MED13L: variants seen among roughly 807,000 people sequenced by gnomAD.
The protein encoded by MED13L is mediator of RNA polymerase II transcription subunit 13-like.
A neutral mutation model predicts 220.9 loss-of-function variants in MED13L; 7 were observed. That is an observed-to-expected ratio of 0.03 (90% CI 0.02 to 0.06). The LOEUF (loss-of-function observed/expected upper bound fraction) is 0.06. MED13L is among the 10% of genes least tolerant of loss of function. The pLI is 1.00. For missense variants in MED13L, 1,965 were observed against 2,760.5 expected (o/e 0.71, Z 6.46); for synonymous variants, 1,011 against 1,015.2 (o/e 1.00, Z 0.08).
chr12:116,239,360 G>C (rs1328150261), intron 1 of MED13L, among the ~76,000 whole-genome samples: 1 of 152,072 alleles, frequency 6.6e-6, no homozygotes, highest in African/African-American at 2.4e-5. Flanking sequence ...AATATAAAAA[G>C]TTCAGAAGTA....
At chr12:116,029,929 T>C (rs1477038442) in intron 4 of MED13L, among the ~76,000 whole-genome samples, 1 of 152,138 alleles carries the variant, frequency 6.6e-6, no homozygotes, top group African/African-American at 2.4e-5. Context: ...GAAATGATGA[T>C]ATACAGTCTA....
At chr12:116,082,778 T>C (rs1871321740) in intron 4 of MED13L, 1 of 152,156 alleles carries the variant, frequency 6.6e-6, no homozygotes, top group African/African-American at 2.4e-5. Context: ...CAGGCCTCTT[T>C]ACAACTACAT....
At chr12:116,233,349 A>G (rs1316754271) in intron 2 of MED13L, among the ~76,000 whole-genome samples, 1 of 152,204 alleles carries the variant, frequency 6.6e-6, no homozygotes, top group Non-Finnish European at 1.5e-5. Context: ...TAAAATCACA[A>G]TATTATGGTT....
intron 4 of MED13L, among the ~76,000 whole-genome samples, chr12:116,050,959 C>A (rs553015177): frequency 4.6e-5 from 7 of 151,780 alleles, no homozygotes; most frequent in Non-Finnish European, 1.0e-4. Context: ...AAAAAAAAAA[C>A]CCAGAAATTT....
At chr12:116,229,365 G>C (rs927763641) in intron 2 of MED13L, among the ~76,000 whole-genome samples, 5 of 152,122 alleles carry the variant, frequency 3.3e-5, no homozygotes, top group Admixed American at 3.3e-4. Flanking sequence ...CTTTATATAA[G>C]TAGGTGATTT....
intron 4 of MED13L, among the ~76,000 whole-genome samples, chr12:116,043,249 A>G (rs924335391): frequency 6.6e-6 from 1 of 152,212 alleles, no homozygotes; most frequent in Non-Finnish European, 1.5e-5. Flanking sequence ...AATAAGCAAT[A>G]CAGAAAAAAA....
Position 116,015,369 on chromosome 12 carries a change from T to A in MED13L, c.1010-95A>T, listed in dbSNP as rs370690908. ...TATTAACATAAATATGCATTTTAAT[T>A]GTTGAAAGTCATATACATAGCTTTT... On this transcript the variant is annotated intron_variant, in intron 7 of 30. Transcript: ENST00000281928. 1.6e-5 allele frequency: 22 copies of A among 1,341,996 alleles called. 1 individual carries two copies. The East Asian group carries it at 4.2e-4, about 25-fold the overall frequency. The allele number at this position is 1,341,996 out of a possible 1,614,324, so 83.1% of individuals were successfully genotyped here.
intron 2 of MED13L, among the ~76,000 whole-genome samples, chr12:116,221,158 T>G (rs1868401858): frequency 6.6e-6 from 1 of 152,100 alleles, no homozygotes; most frequent in South Asian, 2.1e-4. Flanking sequence ...GTGGATGGCT[T>G]GAGCCCAGGA....
intron 4 of MED13L, among the ~76,000 whole-genome samples, chr12:116,045,968 G>A (rs907186574): frequency 1.2e-4 from 18 of 151,956 alleles, no homozygotes; most frequent in African/African-American, 4.3e-4. Flanking sequence ...TTACATGCAT[G>A]AAGTGACATT....
chr12:115,965,259 T>C (rs2137199088), intron 29 of MED13L, among the ~76,000 whole-genome samples: 1 of 152,366 alleles, frequency 6.6e-6, no homozygotes. Context: ...AGATGATTAA[T>C]ATTTCACTGT....
chr12:116,107,685 C>T (rs185874867), intron 3 of MED13L, among the ~76,000 whole-genome samples: 1 of 152,112 alleles, frequency 6.6e-6, no homozygotes, highest in Non-Finnish European at 1.5e-5. Context: ...AAATAAAAAG[C>T]AGAAATAATA....
intron 2 of MED13L, among the ~76,000 whole-genome samples, chr12:116,161,363 A>G (rs948045037): frequency 3.3e-5 from 5 of 152,270 alleles, no homozygotes; most frequent in African/African-American, 1.2e-4. Context: ...GAAAATCTAA[A>G]GAGTTTGGAA....
chr12:116,201,437 C>A (rs796311048), intron 2 of MED13L, among the ~76,000 whole-genome samples: 11 of 151,892 alleles, frequency 7.2e-5, no homozygotes, highest in African/African-American at 2.7e-4. Flanking sequence ...TAGACATTAA[C>A]CCCGAGAAAT....
intron 16 of MED13L, among the ~76,000 whole-genome samples, chr12:115,993,115 G>A (rs1450022327): frequency 6.6e-6 from 1 of 152,106 alleles, no homozygotes; most frequent in Non-Finnish European, 1.5e-5. Flanking sequence ...AAGGTATACA[G>A]AGGGATTTGT....
At chr12:116,206,283 G>T (rs1290567242) in intron 2 of MED13L, among the ~76,000 whole-genome samples, 1 of 151,906 alleles carries the variant, frequency 6.6e-6, no homozygotes, top group African/African-American at 2.4e-5. Context: ...GTTTCACCGT[G>T]TTGGCCAGGC....
chr12:116,242,048 C>CTTT (rs767214989), intron 1 of MED13L, among the ~76,000 whole-genome samples: 48 of 106,620 alleles, frequency 4.5e-4, no homozygotes, highest in Middle Eastern at 5.4e-3. Context: ...GTTCTTTTGT[C>CTTT]TTTTTTTTTT....
chr12:116,045,038 A>G (rs1881751112), intron 4 of MED13L, among the ~76,000 whole-genome samples: 1 of 152,196 alleles, frequency 6.6e-6, no homozygotes, highest in Non-Finnish European at 1.5e-5. Flanking sequence ...CAAAACACAC[A>G]TAAATCCAAG....
chr12:116,243,642 T>C (rs934670698), intron 1 of MED13L, among the ~76,000 whole-genome samples: 12 of 151,772 alleles, frequency 7.9e-5, no homozygotes, highest in African/African-American at 2.9e-4. Context: ...CAACAGCACA[T>C]ACTTGCAATA....
chr12:116,127,978 A>G (rs959910517), intron 2 of MED13L, among the ~76,000 whole-genome samples: 9 of 152,136 alleles, frequency 5.9e-5, no homozygotes, highest in Admixed American at 5.9e-4. Context: ...TTTTTCCAAC[A>G]AAGTGAGCTC....
Sources: gnomAD v4.1 joint callset for allele counts (sites outside exome capture counted in the v4.1 genomes callset) on GRCh38, gnomAD v4.1.1 for gene constraint, MANE v1.5 for transcripts, NCBI Gene and HGNC (gene_info 2026-07-23, HGNC 2026-07-21) for gene names.